The following COL7A1 variants were observed in gnomAD, a reference collection of about 807,000 sequenced individuals.
COL7A1 encodes the protein collagen alpha-1(VII) chain.
Under a neutral mutation model 456.2 loss-of-function variants are expected in COL7A1, and 296 were observed. The observed-to-expected ratio is 0.65, with a 90% CI of 0.59 to 0.71. The LOEUF (loss-of-function observed/expected upper bound fraction) is 0.71. Among genes scored for constraint, COL7A1 ranks in the 30% least tolerant of loss-of-function variants. The probability of loss-of-function intolerance (pLI) is 0.00; values close to 1 mark genes in which losing one functional copy is unlikely to be tolerated. For missense variants in COL7A1, 3,441 were observed against 4,017.2 expected (o/e 0.86, Z 3.88); for synonymous variants, 1,464 against 1,525.9 (o/e 0.96, Z 0.95).
chr3:48,565,176 C>T lies in COL7A1; in HGVS notation c.8553G>A (p.Glu2851=), dbSNP rs2043547005. The change falls in exon 117 of 119, where the codon GAG becomes GAA. Residue 2851 remains glutamate (E), a synonymous_variant. Transcript: ENST00000681320. The surrounding 1 kb of genome is among the most constrained non-coding windows in gnomAD (Gnocchi z 4.5). ...EEERVPPEDD[E]YSEYSEYSVE... ...CAGAATACTCGGAGTATTCAGAGTA[C>T]TCATCATCCTCAGGGGGTACCCGCT... 4 of 1,613,956 alleles carry T rather than the reference C, an allele frequency of 2.5e-6. No homozygotes were observed. Among genetic ancestry groups the T allele is most frequent in the Non-Finnish European group, 3.4e-6 (4 of 1,179,918 alleles).
chr3:48,585,094 C>T lies in COL7A1; in HGVS notation c.3917G>A (p.Arg1306His), dbSNP rs558424479. Residue 1306 changes from arginine (R) to histidine (H), a missense_variant, in exon 33 of 119, where the codon CGT (arginine) becomes CAT (histidine). By Grantham distance (29) the Arg-to-His change is conservative. This residue lies in a region of COL7A1 where 2,084 missense variants were observed against 2,501.3 expected (regional missense o/e 0.83). Coordinates refer to ENST00000681320, the MANE Select transcript of COL7A1 (RefSeq NM_000094.4). This position sits in a 1 kb window ranked among gnomAD's most constrained non-coding sequence, Gnocchi z 4.5. Reference protein sequence around the residue: ...GERGFPGADGRPGSPGRAGNP... With the variant: ...GERGFPGADGHPGSPGRAGNP... ...CCCGGCGCGGCCAGGGCTGCCTGGA[C>T]GCCCATCTGCTCCAGGGAAGCCCTG... 112 of 1,611,814 alleles carry T rather than the reference C, an allele frequency of 6.9e-5. No homozygotes were observed. The highest frequency in any genetic ancestry group is 3.6e-4 in the Middle Eastern group (2 of 5,518).
At position 48,568,717 on chromosome 3, in the gene COL7A1, A is replaced by G. The variant is rs1391294374; in HGVS notation, c.7758+67T>C. ...ACCCCCAGCACTTAAGAGGACCCCC[A>G]GGATATGTGTGTGTGTGATGCTGGC... On this transcript the variant is annotated intron_variant, in intron 104 of 118. Transcript: ENST00000681320. The surrounding 1 kb of genome is among the most constrained non-coding windows in gnomAD (Gnocchi z 5.2). The G allele has an allele frequency of 4.6e-6, 7 of 1,519,354 alleles. No individual in the cohort carries two copies. The highest frequency in any genetic ancestry group is 2.5e-5 in the East Asian group (1 of 40,792). The allele number at this position is 1,519,354 out of a possible 1,614,324, so 94.1% of individuals were successfully genotyped here. A position where few individuals can be genotyped will look rare whatever the true frequency, so the allele number is the denominator to read the frequency against.
chr3:48,577,820 C>T (rs548053644), intron 65 of COL7A1, among the ~76,000 whole-genome samples: 10 of 152,306 alleles, frequency 6.6e-5, no homozygotes, highest in African/African-American at 2.4e-4. Flanking sequence ...CATAAATTGG[C>T]CCATTCACCT....
At position 48,591,860 on chromosome 3, in the gene COL7A1, C is replaced by T. The variant is rs1402280032; in HGVS notation, c.1357+38G>A. 1 of 1,614,180 alleles carries T rather than the reference C, an allele frequency of 6.2e-7. No homozygotes were observed. Among genetic ancestry groups the T allele is most frequent in the Admixed American group, 1.7e-5 (1 of 60,032 alleles). On this transcript the variant is annotated intron_variant, in intron 11 of 118. Coordinates refer to ENST00000681320, the MANE Select transcript of COL7A1 (RefSeq NM_000094.4). This position sits in a 1 kb window ranked among gnomAD's most constrained non-coding sequence, Gnocchi z 7.0. Reference sequence around the variant, plus strand: ...AGGGTCAGACCAGCAGAGGCCATGCCCTGACCCTTGCCTGTCCATCCCTTC... The same window carrying T: ...AGGGTCAGACCAGCAGAGGCCATGCTCTGACCCTTGCCTGTCCATCCCTTC...
chr3:48,587,384 A>C lies in COL7A1; in HGVS notation c.2992+36T>G, dbSNP rs770097088. On this transcript the variant is annotated intron_variant, in intron 23 of 118. Transcript: ENST00000681320. This position sits in a 1 kb window ranked among gnomAD's most constrained non-coding sequence, Gnocchi z 6.1. ...AAAAAGCTGTCTCCACAGAGCCCCA[A>C]CTGCCAGCCCACCCAAATCCTGGCC... 2 of 1,612,836 alleles carry C rather than the reference A, an allele frequency of 1.2e-6. No homozygotes were observed. Among genetic ancestry groups the C allele is most frequent in the East Asian group, 4.5e-5 (2 of 44,888 alleles).
At chr3:48,589,025 G>A (rs758243811) in intron 18 of COL7A1, 30 bp from the exon 19 acceptor site, 2 of 1,613,004 alleles carry the variant, frequency 1.2e-6, no homozygotes, top group South Asian at 2.2e-5. Context: ...AAGGGGTCCT[G>A]GTAGAGAACA....
chr3:48,587,835 G>C lies in COL7A1; in HGVS notation c.2815C>G (p.Pro939Ala). 6.2e-7 allele frequency: 1 copy of C among 1,613,414 alleles called. No homozygotes were observed. Among genetic ancestry groups the C allele is most frequent in the Non-Finnish European group, 8.5e-7 (1 of 1,179,956 alleles). The stretch of plus-strand genomic sequence containing the variant: ...TCTGCAGAGGGCCCTTCTCCAGCTG[G>C]CCCTAGGACACTCAGCCTCACGCGG... ...QYRVRLSVLG[P>A]AGEGPSAEVT... The change falls in exon 22 of 119, where the codon CCA (proline) becomes GCA (alanine). Residue 939 changes from proline (P) to alanine (A), a missense_variant. Coordinates refer to ENST00000681320, the MANE Select transcript of COL7A1 (RefSeq NM_000094.4). This position sits in a 1 kb window ranked among gnomAD's most constrained non-coding sequence, Gnocchi z 6.1.
Position 48,573,059 on chromosome 3 carries a change from G to A in COL7A1, c.6715-3C>T, listed in dbSNP as rs2044044325. 1 of 1,614,122 alleles carries A rather than the reference G, an allele frequency of 6.2e-7. No individual in the cohort carries two copies. The highest frequency in any genetic ancestry group is 1.3e-5 in the African/African-American group (1 of 75,036). On this transcript the variant is annotated splice_polypyrimidine_tract_variant and splice_region_variant and intron_variant, in intron 85 of 118. Transcript: ENST00000681320. The surrounding 1 kb of genome is among the most constrained non-coding windows in gnomAD (Gnocchi z 5.5). ...AAACCTGGAGACCCCTGTGGACCCT[G>A]ACGGAGAACAAGTCGGATGTCAGGG...
In COL7A1 at chr3:48,565,683, G is replaced by C. The variant is rs774368057; in HGVS notation, c.8408-15C>G. 6 of 1,609,532 alleles carry C rather than the reference G, an allele frequency of 3.7e-6. No individual in the cohort carries two copies. In the Admixed American group the frequency reaches 6.7e-5, roughly 18 times the overall value. ...GCCCTGGCAGGCTAGAGGGGGCAGA[G>C]AGGGATAGAGAGACAATGACAGAGA... On this transcript the variant is annotated splice_polypyrimidine_tract_variant and intron_variant, in intron 114 of 118. Transcript: ENST00000681320. This position sits in a 1 kb window ranked among gnomAD's most constrained non-coding sequence, Gnocchi z 4.5.
In COL7A1 at chr3:48,581,592, T is replaced by C; in HGVS notation, c.4763A>G (p.Lys1588Arg). The change falls in exon 50 of 119, where the codon AAG (lysine) becomes AGG (arginine). Residue 1588 changes from lysine to arginine, a missense_variant. Coordinates refer to ENST00000681320, the MANE Select transcript of COL7A1 (RefSeq NM_000094.4). This position sits in a 1 kb window ranked among gnomAD's most constrained non-coding sequence, Gnocchi z 5.8. ...ATTCACCCGGTCTCCAGGGTCTCCC[T>C]TGGGGCCAGGGTCTCCAGGAAGAAC... is the stretch of plus-strand genomic sequence containing the variant. ...GLVLPGDPGP[K>R]GDPGDRGPIG... is the part of the protein sequence containing the mutation. The C allele has an allele frequency of 6.2e-7, 1 of 1,614,014 alleles. No homozygotes were observed. Among genetic ancestry groups the C allele is most frequent in the Non-Finnish European group, 8.5e-7 (1 of 1,179,982 alleles).
In COL7A1 at chr3:48,581,630, G is replaced by A. The variant is rs1217525863; in HGVS notation, c.4725C>T (p.Gly1575=). ...RGATGVQGER[G]PPGLVLPGDP... The stretch of plus-strand genomic sequence containing the variant: ...CTCCAGGAAGAACCAAGCCGGGTGG[G>A]CCCTGTGGATGGAAGGATAAGAAGT... Residue 1575 remains glycine (G), a splice_region_variant and synonymous_variant, in exon 50 of 119, where the codon GGC becomes GGT. Transcript: ENST00000681320. This position sits in a 1 kb window ranked among gnomAD's most constrained non-coding sequence, Gnocchi z 5.8. The A allele has an allele frequency of 3.1e-6, 5 of 1,614,042 alleles. No homozygotes were observed. Among genetic ancestry groups the A allele is most frequent in the East Asian group, 2.2e-5 (1 of 44,892 alleles).
At chr3:48,589,567 TG>T (rs760755855) in intron 17 of COL7A1, 31 bp downstream of exon 17, 1 of 1,410,372 alleles carries the variant, frequency 7.1e-7, no homozygotes, top group East Asian at 2.4e-5. Context: ...CATTCCACCC[TG>T]ACCTGCCCCC....
Position 48,565,338 on chromosome 3 carries a change from C to T in COL7A1, c.8527+72G>A. ...AGACCCTACGTGCTTGGCGTGTGCCCTGCATTCATGGACACCCATGTGCGT... is the reference window on the plus strand; with the variant it reads ...AGACCCTACGTGCTTGGCGTGTGCCTTGCATTCATGGACACCCATGTGCGT... On this transcript the variant is annotated intron_variant, in intron 116 of 118. Transcript: ENST00000681320. The surrounding 1 kb of genome is among the most constrained non-coding windows in gnomAD (Gnocchi z 4.5). 1.3e-6 allele frequency: 2 copies of T among 1,535,370 alleles called. No homozygotes were observed. The highest frequency in any genetic ancestry group is 1.9e-5 in the Admixed American group (1 of 51,972).
Position 48,588,960 on chromosome 3 carries a change from T to G in COL7A1, c.2350A>C (p.Ile784Leu), listed in dbSNP as rs1380773186. Residue 784 changes from isoleucine (I) to leucine (L), a missense_variant, in exon 19 of 119, where the codon ATC becomes CTC. This residue lies in a region of COL7A1 where 913 missense variants were observed against 1,088.2 expected (regional missense o/e 0.84). Transcript: ENST00000681320. The surrounding 1 kb of genome is among the most constrained non-coding windows in gnomAD (Gnocchi z 4.6). ...AGAACGTCGCTGGAAGCATTGAGGA[T>G]CTGCAGCCTCGACACACGACCCACA... ...EPVGRVSRLQ[I>L]LNASSDVLRI... The G allele has an allele frequency of 6.2e-7, 1 of 1,613,516 alleles. No individual in the cohort carries two copies. The highest frequency in any genetic ancestry group is 1.7e-5 in the Admixed American group (1 of 60,034).
chr3:48,580,215 C>A lies in COL7A1; in HGVS notation c.5097+85G>T. 1 of 1,562,928 alleles carries A rather than the reference C, an allele frequency of 6.4e-7. No individual in the cohort carries two copies. Reference sequence around the variant, plus strand: ...CCATCCATGCTTCCCACCTGGACCTCCAGACCCCTTGTGTGAAGGCACACT... The same window carrying A: ...CCATCCATGCTTCCCACCTGGACCTACAGACCCCTTGTGTGAAGGCACACT... On this transcript the variant is annotated intron_variant, in intron 56 of 118. Transcript: ENST00000681320. The surrounding 1 kb of genome is among the most constrained non-coding windows in gnomAD (Gnocchi z 4.5).
chr3:48,567,417 C>T lies in COL7A1; in HGVS notation c.8046+157G>A, dbSNP rs2043655228. 3.5e-6 allele frequency: 4 copies of T among 1,132,200 alleles called. No homozygotes were observed. The highest frequency in any genetic ancestry group is 3.8e-5 in the Admixed American group (2 of 53,310). 70.1% of individuals were successfully genotyped at this position (1,132,200 alleles called of 1,614,324 possible). On this transcript the variant is annotated intron_variant, in intron 109 of 118. Transcript: ENST00000681320. This position sits in a 1 kb window ranked among gnomAD's most constrained non-coding sequence, Gnocchi z 4.3. The stretch of plus-strand genomic sequence containing the variant: ...GCTTTCATCCTAACTCCACTGTGAC[C>T]CCAACCCACCTTGACACCTCGAGAC...
chr3:48,575,276 A>G lies in COL7A1; in HGVS notation c.6181-34T>C, dbSNP rs1560215813. 1.2e-6 allele frequency: 2 copies of G among 1,613,698 alleles called. No individual in the cohort carries two copies. The highest frequency in any genetic ancestry group is 1.7e-6 in the Non-Finnish European group (2 of 1,179,882). The stretch of plus-strand genomic sequence containing the variant: ...CAAATAGCGGGTGAGGGCCAAGCCC[A>G]TGGGGGGTCCCACCCCTCCCAACCC... On this transcript the variant is annotated intron_variant, in intron 74 of 118. Coordinates refer to ENST00000681320, the MANE Select transcript of COL7A1 (RefSeq NM_000094.4). The surrounding 1 kb of genome is among the most constrained non-coding windows in gnomAD (Gnocchi z 6.3).
At position 48,585,077 on chromosome 3, in the gene COL7A1, G is replaced by A. The variant is rs375795047; in HGVS notation, c.3934C>T (p.Arg1312Cys). The A allele has an allele frequency of 1.4e-5, 22 of 1,612,162 alleles. No individual in the cohort carries two copies. The highest frequency in any genetic ancestry group is 1.8e-5 in the Non-Finnish European group (21 of 1,179,850). Reference protein sequence around the residue: ...GADGRPGSPGRAGNPGTPGAP... With the variant: ...GADGRPGSPGCAGNPGTPGAP... ...CCAGGGGTCCCAGGATTCCCGGCGCGGCCAGGGCTGCCTGGACGCCCATCT... is the reference window on the plus strand; with the variant it reads ...CCAGGGGTCCCAGGATTCCCGGCGCAGCCAGGGCTGCCTGGACGCCCATCT... Residue 1312 changes from arginine (R) to cysteine (C), a missense_variant, in exon 33 of 119, where the codon CGC becomes TGC. By Grantham distance (180) the Arg-to-Cys change is radical. Coordinates refer to ENST00000681320, the MANE Select transcript of COL7A1 (RefSeq NM_000094.4). This position sits in a 1 kb window ranked among gnomAD's most constrained non-coding sequence, Gnocchi z 4.5.
chr3:48,588,092 C>T lies in COL7A1; in HGVS notation c.2711-153G>A, dbSNP rs1248234220. Among the ~76,000 whole-genome samples, 2 of 152,156 alleles carry T rather than the reference C, an allele frequency of 1.3e-5. No homozygotes were observed. The highest frequency in any genetic ancestry group is 2.4e-5 in the African/African-American group (1 of 41,396). On this transcript the variant is annotated intron_variant, in intron 21 of 118. Transcript: ENST00000681320. This position sits in a 1 kb window ranked among gnomAD's most constrained non-coding sequence, Gnocchi z 4.6. ...CACTGACCCTGCCCACTTTACGGAC[C>T]CTGCCAGACTGACCCTCCATGAACT...
Sources: allele counts gnomAD v4.1 joint callset (sites outside exome capture counted in the v4.1 genomes callset), GRCh38; gene constraint gnomAD v4.1.1; regional missense constraint gnomAD v4.1.1; non-coding constraint Gnocchi (gnomAD v3.1); transcripts MANE v1.5; gene names NCBI Gene and HGNC (gene_info 2026-07-23, HGNC 2026-07-21).